The following SPON1 variants were observed in gnomAD, a reference collection of about 807,000 sequenced individuals.
SPON1 encodes spondin-1.
In SPON1, 52 loss-of-function variants were observed where a neutral mutation model predicts 111.7. The ratio of observed to expected loss-of-function variants is 0.47; its 90% CI spans 0.37 to 0.59. The LOEUF (loss-of-function observed/expected upper bound fraction) is 0.59. Among genes scored for constraint, SPON1 ranks in the 20% least tolerant of loss-of-function variants. The pLI, the probability that SPON1 is intolerant of heterozygous loss-of-function variation, is 0.00. For missense variants in SPON1, 957 were observed against 1,068.5 expected, an observed-to-expected ratio of 0.90 and a Z score of 1.46; for synonymous variants, 410 against 395.8, an observed-to-expected ratio of 1.04 and a Z score of -0.43.
At chr11:14,183,393 G>A (rs1848254727) in intron 6 of SPON1, among the ~76,000 whole-genome samples, 1 of 152,186 alleles carries the variant, frequency 6.6e-6, no homozygotes, top group Non-Finnish European at 1.5e-5. Flanking sequence ...TAGAGGTATA[G>A]ACCCTTTACC....
chr11:14,161,193 A>C (rs1228997259), intron 6 of SPON1, among the ~76,000 whole-genome samples: 4 of 62,372 alleles, frequency 6.4e-5, no homozygotes, highest in Non-Finnish European at 1.5e-4. Context: ...TTATATATCT[A>C]TATATATTTA....
At chr11:14,112,892 G>C (rs1216838015) in intron 5 of SPON1, among the ~76,000 whole-genome samples, 1 of 152,144 alleles carries the variant, frequency 6.6e-6, no homozygotes, top group Non-Finnish European at 1.5e-5. Flanking sequence ...CTGATGCCCA[G>C]TGTCTCTATC....
intron 5 of SPON1, among the ~76,000 whole-genome samples, chr11:14,091,121 A>G (rs1554923285): frequency 6.6e-6 from 1 of 152,146 alleles, no homozygotes; most frequent in African/African-American, 2.4e-5. Flanking sequence ...AAGCCCCACC[A>G]GAGCAGCTAG....
At chr11:14,022,679 A>G (rs1554914883) in intron 2 of SPON1, among the ~76,000 whole-genome samples, 1 of 152,196 alleles carries the variant, frequency 6.6e-6, no homozygotes, top group Admixed American at 6.5e-5. Context: ...ATAGCTCAAT[A>G]AACTTTAGCT....
intron 6 of SPON1, among the ~76,000 whole-genome samples, chr11:14,166,481 A>G (rs910502110): frequency 1.3e-5 from 2 of 152,180 alleles, no homozygotes; most frequent in Non-Finnish European, 2.9e-5. Flanking sequence ...AGAGTCCTAG[A>G]AGTTTGGCTT....
Position 14,239,454 on chromosome 11 carries a change from G to A in SPON1, c.826-3878G>A, listed in dbSNP as rs183218278. On this transcript the variant is annotated intron_variant, in intron 6 of 15. Coordinates refer to ENST00000576479, the MANE Select transcript of SPON1 (RefSeq NM_006108.4). ...CAAAAAACAGAGTTTGGCAGGGCAC[G>A]GTGGCTCACACCTGTAATCCCAGCA... 4.3e-4 allele frequency among the ~76,000 whole-genome samples: 66 copies of A among 152,254 alleles called. 1 individual carries two copies. Among genetic ancestry groups the A allele is most frequent in the Non-Finnish European group, 2.6e-4 (18 of 68,018 alleles).
intron 15 of SPON1, among the ~76,000 whole-genome samples, chr11:14,263,618 G>A (rs1849217061): frequency 6.6e-6 from 1 of 152,168 alleles, no homozygotes; most frequent in South Asian, 2.1e-4. Context: ...AATGCACCAA[G>A]TGCTCAGGGA....
At chr11:14,050,021 A>ATCACTC (rs1848696797) in intron 3 of SPON1, among the ~76,000 whole-genome samples, 2 of 152,046 alleles carry the variant, frequency 1.3e-5, no homozygotes, top group African/African-American at 4.8e-5. Context: ...AGCATCACTC[A>ATCACTC]GGGTGCTTAG....
chr11:13,982,996 A>T, intron 2 of SPON1, 43 bp downstream of exon 2: 1 of 1,336,732 alleles, frequency 7.5e-7, no homozygotes, highest in Non-Finnish European at 1.0e-6. Flanking sequence ...TCCCTGCCCT[A>T]GGAGGTAGAG....
At chr11:14,118,894 C>G (rs548095572) in intron 5 of SPON1, among the ~76,000 whole-genome samples, 1 of 152,292 alleles carries the variant, frequency 6.6e-6, no homozygotes, top group East Asian at 1.9e-4. Flanking sequence ...AACTGACCTA[C>G]CTAGCAAGAC....
At chr11:14,230,891 C>T (rs372310998) in intron 6 of SPON1, among the ~76,000 whole-genome samples, 21 of 152,130 alleles carry the variant, frequency 1.4e-4, no homozygotes, top group Admixed American at 4.6e-4. Flanking sequence ...TGAGCTCAAG[C>T]GATCCTCCCA....
chr11:14,251,723 C>G (rs1268848648), intron 7 of SPON1, among the ~76,000 whole-genome samples: 1 of 152,180 alleles, frequency 6.6e-6, no homozygotes, highest in Admixed American at 6.5e-5. Context: ...ACAGCTGCAC[C>G]CAGGTGCCAG....
rs1848255835 is a variant in SPON1, at chr11:13,994,523, G to A, written c.345+11570G>A. 3.3e-5 allele frequency among the ~76,000 whole-genome samples: 5 copies of A among 152,074 alleles called. No individual in the cohort carries two copies. In the South Asian group the frequency reaches 1.0e-3, roughly 32 times the overall value. ...GGAAGTCATGGCCACTGATGTGAAG[G>A]GAAACAGACATATGAGATCAGGACT... On this transcript the variant is annotated intron_variant, in intron 2 of 15. Transcript: ENST00000576479.
chr11:14,120,123 A>C lies in SPON1; in HGVS notation c.677-15297A>C, dbSNP rs559718218. ...CTAGCTGGGTGGCCCTGGGTGAGTC[A>C]TTTAATCTGTCTGTGCTTTAATTTG... is the stretch of plus-strand genomic sequence containing the variant. On this transcript the variant is annotated intron_variant, in intron 5 of 15. Transcript: ENST00000576479. Among the ~76,000 whole-genome samples the C allele has an allele frequency of 2.6e-5, 4 of 152,272 alleles. No individual in the cohort carries two copies. The South Asian group carries it at 8.3e-4, about 32-fold the overall frequency.
In SPON1 at chr11:14,135,854, A is replaced by G. The variant is rs1847585324; in HGVS notation, c.825+286A>G. ...CTTGTCTCTAGTCTCCTGAGAGTCA[A>G]AGCCATGAATTAAGGTTTTCTTACT... On this transcript the variant is annotated intron_variant, in intron 6 of 15. Coordinates refer to ENST00000576479, the MANE Select transcript of SPON1 (RefSeq NM_006108.4). The surrounding 1 kb of genome is among the most constrained non-coding windows in gnomAD (Gnocchi z 4.4). Among the ~76,000 whole-genome samples, 1 of 152,194 alleles carries G rather than the reference A, an allele frequency of 6.6e-6. No individual in the cohort carries two copies.
At chr11:14,108,576 A>G (rs185897046) in intron 5 of SPON1, among the ~76,000 whole-genome samples, 5 of 152,352 alleles carry the variant, frequency 3.3e-5, no homozygotes, top group Admixed American at 3.3e-4. Context: ...TTGACAGACC[A>G]TTTATAAAAG....
At chr11:14,033,276 T>C (rs1382075061) in intron 2 of SPON1, among the ~76,000 whole-genome samples, 1 of 152,230 alleles carries the variant, frequency 6.6e-6, no homozygotes, top group African/African-American at 2.4e-5. Context: ...CTCTGCTTCC[T>C]GAAGACAAAT....
At chr11:14,084,409 T>G (rs1848989297) in intron 5 of SPON1, among the ~76,000 whole-genome samples, 1 of 152,240 alleles carries the variant, frequency 6.6e-6, no homozygotes, top group Non-Finnish European at 1.5e-5. Flanking sequence ...TTTGGTTTTC[T>G]GTTCCTGTGT....
intron 1 of SPON1, among the ~76,000 whole-genome samples, chr11:13,981,848 C>T (rs1204985815): frequency 6.6e-6 from 1 of 152,138 alleles, no homozygotes; most frequent in Admixed American, 6.5e-5. Flanking sequence ...CGGCCCTGCT[C>T]CTGGGACATC....
Sources: allele counts gnomAD v4.1 joint callset (sites outside exome capture counted in the v4.1 genomes callset), GRCh38; gene constraint gnomAD v4.1.1; non-coding constraint Gnocchi (gnomAD v3.1); transcripts MANE v1.5; gene names NCBI Gene and HGNC (gene_info 2026-07-23, HGNC 2026-07-21).